The following EXOC4 variants were observed in gnomAD, a reference collection of about 807,000 sequenced individuals.
EXOC4 encodes the protein exocyst complex component 4.
A neutral mutation model predicts 107.2 loss-of-function variants in EXOC4; 71 were observed. That is an observed-to-expected ratio of 0.66 (90% confidence interval 0.55 to 0.81). EXOC4 has a LOEUF of 0.81. Among genes scored for constraint, EXOC4 ranks in the 30% least tolerant of loss-of-function variants. EXOC4 has a pLI of 0.00. For missense variants in EXOC4, 1,108 were observed against 1,189.6 expected, an observed-to-expected ratio of 0.93 and a Z score of 1.01; for synonymous variants, 456 against 441.2, an observed-to-expected ratio of 1.03 and a Z score of -0.42.
chr7:133,731,686 A>G (rs1266420961), intron 10 of EXOC4, among the ~76,000 whole-genome samples: 1 of 152,058 alleles, frequency 6.6e-6, no homozygotes, highest in Non-Finnish European at 1.5e-5. Context: ...CAAGTTGCTA[A>G]CCTCTCTTAG....
At chr7:133,698,702 AAC>A (rs1217578531) in intron 10 of EXOC4, among the ~76,000 whole-genome samples, 1 of 152,104 alleles carries the variant, frequency 6.6e-6, no homozygotes, top group African/African-American at 2.4e-5. Flanking sequence ...TGTGCACATT[AAC>A]ACACTCTGTG....
chr7:133,873,342 T>C (rs928005701), intron 11 of EXOC4, among the ~76,000 whole-genome samples: 3 of 152,172 alleles, frequency 2.0e-5, no homozygotes, highest in African/African-American at 7.2e-5. Context: ...GGCATAGTCA[T>C]CTGTGAAATG....
intron 7 of EXOC4, among the ~76,000 whole-genome samples, chr7:133,400,704 C>T (rs1380547571): frequency 6.6e-6 from 1 of 152,180 alleles, no homozygotes; most frequent in Admixed American, 6.5e-5. Context: ...TCCGTAACAA[C>T]TATGTAAGGT....
At chr7:134,058,304 A>G (rs1795977625) in intron 17 of EXOC4, among the ~76,000 whole-genome samples, 1 of 152,228 alleles carries the variant, frequency 6.6e-6, no homozygotes, top group African/African-American at 2.4e-5. Context: ...ACTTGTTGAC[A>G]TTAATACTAG....
rs919918807 is a variant in EXOC4, at chr7:133,297,119, G to A, written c.471+8003G>A. 3.3e-5 allele frequency among the ~76,000 whole-genome samples: 5 copies of A among 152,188 alleles called. No homozygotes were observed. In the South Asian group the frequency reaches 1.0e-3, roughly 31 times the overall value. On this transcript the variant is annotated intron_variant, in intron 3 of 17. Transcript: ENST00000253861. Reference sequence around the variant, plus strand: ...TGGTGATACTCACATTTATGTAGAAGTTTATTGTTTGAAGTTGCTTTGTGG... The same window carrying A: ...TGGTGATACTCACATTTATGTAGAAATTTATTGTTTGAAGTTGCTTTGTGG...
intron 10 of EXOC4, among the ~76,000 whole-genome samples, chr7:133,774,573 G>A (rs1662032088): frequency 6.6e-6 from 1 of 152,084 alleles, no homozygotes; most frequent in African/African-American, 2.4e-5. Flanking sequence ...GACTATGGAT[G>A]TGAAGCATAG....
In EXOC4 at chr7:133,665,472, G is replaced by A. The variant is rs142160418; in HGVS notation, c.1514+35331G>A. Reference sequence around the variant, plus strand: ...CCTTCTGGCAAATTCTATAAATTAAGGTAATTGGGATATATATACATATAT... The same window carrying A: ...CCTTCTGGCAAATTCTATAAATTAAAGTAATTGGGATATATATACATATAT... On this transcript the variant is annotated intron_variant, in intron 10 of 17. Transcript: ENST00000253861. Among the ~76,000 whole-genome samples, 477 of 152,172 alleles carry A rather than the reference G, an allele frequency of 3.1e-3. 2 individuals are homozygous for A. Among genetic ancestry groups the A allele is most frequent in the Non-Finnish European group, 5.7e-3 (388 of 67,988 alleles).
chr7:133,795,557 T>G (rs1483245430), intron 10 of EXOC4, among the ~76,000 whole-genome samples: 1 of 152,220 alleles, frequency 6.6e-6, no homozygotes, highest in Non-Finnish European at 1.5e-5. Context: ...TACCCAGTTA[T>G]GAATAGCACA....
intron 9 of EXOC4, among the ~76,000 whole-genome samples, chr7:133,614,866 G>A (rs540964198): frequency 2.0e-5 from 3 of 150,164 alleles, no homozygotes; most frequent in Non-Finnish European, 4.4e-5. Context: ...GAAATTCAAG[G>A]GCTAGCAGAC....
the EXOC4 span, among the ~76,000 whole-genome samples, chr7:134,079,415 A>G: frequency 3.3e-5 from 5 of 151,902 alleles, no homozygotes; most frequent in African/African-American, 4.8e-5. Flanking sequence ...TTTTTTTTTA[A>G]GTCATTTGCA....
chr7:133,463,308 C>T (rs912157752), intron 7 of EXOC4, among the ~76,000 whole-genome samples: 11 of 152,052 alleles, frequency 7.2e-5, no homozygotes, highest in African/African-American at 2.7e-4. Context: ...GCCCTTCCTC[C>T]CTTTGAGGAG....
intron 7 of EXOC4, among the ~76,000 whole-genome samples, chr7:133,420,973 A>T (rs1487214734): frequency 6.6e-6 from 1 of 151,642 alleles, no homozygotes; most frequent in African/African-American, 2.4e-5. Flanking sequence ...TAAGAAAAAA[A>T]AAATTGTTCC....
the EXOC4 span, among the ~76,000 whole-genome samples, chr7:134,076,946 G>A: frequency 6.6e-6 from 1 of 151,822 alleles, no homozygotes; most frequent in African/African-American, 2.4e-5. Context: ...ATCATAAGTT[G>A]AGGATCTGCA....
At chr7:134,067,201 G>A (rs577255134), downstream of EXOC4, among the ~76,000 whole-genome samples, 7 of 150,232 alleles carry the variant, frequency 4.7e-5, no homozygotes, top group South Asian at 1.3e-3. Flanking sequence ...CTTACCAGAA[G>A]GGGTGCTGGA....
At chr7:133,774,182 A>G (rs1444577629) in intron 10 of EXOC4, among the ~76,000 whole-genome samples, 2 of 152,154 alleles carry the variant, frequency 1.3e-5, no homozygotes, top group African/African-American at 2.4e-5. Context: ...ATTGTAGGCC[A>G]TTAACATCCC....
At chr7:133,395,533 A>T (rs1333038461) in intron 7 of EXOC4, among the ~76,000 whole-genome samples, 1 of 152,164 alleles carries the variant, frequency 6.6e-6, no homozygotes, top group Non-Finnish European at 1.5e-5. Flanking sequence ...AGAAGTTCAC[A>T]GTATCAAAGG....
At chr7:133,563,288 T>G (rs1490355240) in intron 9 of EXOC4, among the ~76,000 whole-genome samples, 1 of 152,178 alleles carries the variant, frequency 6.6e-6, no homozygotes. Context: ...TTAAAGAATG[T>G]CTCAAGAAAT....
At chr7:133,264,656 T>G (rs1393136184) in intron 1 of EXOC4, among the ~76,000 whole-genome samples, 2 of 152,164 alleles carry the variant, frequency 1.3e-5, no homozygotes, top group Non-Finnish European at 2.9e-5. Flanking sequence ...TAATGTGTAA[T>G]TTTTTACACA....
rs552016823 is a variant in EXOC4 at position 133,520,387 on chromosome 7, T to G, written c.1417+40249T>G. On this transcript the variant is annotated intron_variant, in intron 9 of 17. Transcript: ENST00000253861. Reference sequence around the variant, plus strand: ...CACAAAGTCTAGTCCAGAAGGCATTTTGTAAATGTCTGAGTATGAACAAAT... The same window carrying G: ...CACAAAGTCTAGTCCAGAAGGCATTGTGTAAATGTCTGAGTATGAACAAAT... Among the ~76,000 whole-genome samples, 7 of 152,224 alleles carry G rather than the reference T, an allele frequency of 4.6e-5. No homozygotes were observed. In the East Asian group the frequency reaches 1.2e-3, roughly 25 times the overall value.
Sources: gnomAD v4.1 joint callset for allele counts (sites outside exome capture counted in the v4.1 genomes callset) on GRCh38, gnomAD v4.1.1 for gene constraint, MANE v1.5 for transcripts, NCBI Gene and HGNC (gene_info 2026-07-23, HGNC 2026-07-21) for gene names.